Variants in CACNA2D3 observed in about 807,000 individuals in gnomAD.
CACNA2D3 encodes the protein calcium voltage-gated channel auxiliary subunit alpha2delta 3, also known as voltage-dependent calcium channel subunit alpha-2/delta-3.
Under a neutral mutation model 160.6 loss-of-function variants are expected in CACNA2D3, and 60 were observed. The observed-to-expected ratio is 0.37, with a 90% confidence interval of 0.30 to 0.46. The LOEUF (loss-of-function observed/expected upper bound fraction) is 0.46. Among genes scored for constraint, CACNA2D3 ranks in the 20% least tolerant of loss-of-function variants. CACNA2D3 has a pLI of 1.00. For missense variants in CACNA2D3, 1,205 were observed against 1,365.0 expected, an observed-to-expected ratio of 0.88 and a Z score of 1.85; for synonymous variants, 558 against 492.9, an observed-to-expected ratio of 1.13 and a Z score of -1.75.
At chr3:54,255,698 C>G (rs1307489579) in intron 2 of CACNA2D3, among the ~76,000 whole-genome samples, 1 of 152,082 alleles carries the variant, frequency 6.6e-6, no homozygotes, top group Non-Finnish European at 1.5e-5. Flanking sequence ...TGTCTGCTTC[C>G]CACCCTACTT....
intron 4 of CACNA2D3, among the ~76,000 whole-genome samples, chr3:54,448,779 A>T (rs1700260655): frequency 6.6e-6 from 1 of 152,246 alleles, no homozygotes; most frequent in South Asian, 2.1e-4. Flanking sequence ...TCTTTGTGAC[A>T]GGTGCTTCAC....
chr3:54,846,318 GC>G, intron 16 of CACNA2D3, 74 bp from the exon 17 acceptor site: 1 of 881,800 alleles, frequency 1.1e-6, no homozygotes, highest in Non-Finnish European at 1.8e-6. Flanking sequence ...ATTACTAAAT[GC>G]CGGGCTGCTT....
At chr3:54,252,099 A>ATTTTTTT (rs1575345395) in intron 2 of CACNA2D3, among the ~76,000 whole-genome samples, 1 of 71,566 alleles carries the variant, frequency 1.4e-5, no homozygotes. Context: ...TTGCAGAGCT[A>ATTTTTTT]GTTTTTTTTT....
chr3:54,923,737 C>G (rs1234978385), intron 27 of CACNA2D3, among the ~76,000 whole-genome samples: 3 of 152,026 alleles, frequency 2.0e-5, no homozygotes, highest in African/African-American at 7.2e-5. Context: ...GGGTCAAGAC[C>G]CAAAAGCCAT....
intron 9 of CACNA2D3, among the ~76,000 whole-genome samples, chr3:54,586,733 A>G (rs1385312790): frequency 6.6e-6 from 1 of 152,210 alleles, no homozygotes; most frequent in African/African-American, 2.4e-5. Flanking sequence ...CGTTCTTCTC[A>G]AGCACCTATG....
intron 35 of CACNA2D3, among the ~76,000 whole-genome samples, chr3:55,036,419 C>A (rs557081228): frequency 6.6e-6 from 1 of 152,214 alleles, no homozygotes; most frequent in South Asian, 2.1e-4. Context: ...GCCATACACA[C>A]AAAACCCTTG....
intron 5 of CACNA2D3, among the ~76,000 whole-genome samples, chr3:54,522,697 A>G (rs1210263357): frequency 6.6e-6 from 1 of 152,086 alleles, no homozygotes. Context: ...AGAGGGTGAA[A>G]GTGAGAAAGG....
chr3:54,678,997 G>C (rs994961180), intron 11 of CACNA2D3, among the ~76,000 whole-genome samples: 1 of 152,118 alleles, frequency 6.6e-6, no homozygotes, highest in Non-Finnish European at 1.5e-5. Flanking sequence ...CAGAAGGAAG[G>C]ATTAAAGACC....
At chr3:54,252,361 A>T (rs577174950) in intron 2 of CACNA2D3, among the ~76,000 whole-genome samples, 1 of 152,318 alleles carries the variant, frequency 6.6e-6, no homozygotes, top group Non-Finnish European at 1.5e-5. Context: ...TTACAGAAAT[A>T]TGATAGGAGC....
At chr3:54,278,444 T>G (rs557565411) in intron 2 of CACNA2D3, among the ~76,000 whole-genome samples, 1 of 152,314 alleles carries the variant, frequency 6.6e-6, no homozygotes, top group South Asian at 2.1e-4. Flanking sequence ...CTCAAGGATC[T>G]AGAACCAGAA....
At chr3:54,356,703 A>G (rs1423426460) in intron 3 of CACNA2D3, among the ~76,000 whole-genome samples, 1 of 152,172 alleles carries the variant, frequency 6.6e-6, no homozygotes, top group Non-Finnish European at 1.5e-5. Context: ...AAAATACTGA[A>G]CAATTTTTGT....
In CACNA2D3 at chr3:54,927,777, T is replaced by G. The variant is rs1701066538; in HGVS notation, c.2449+27909T>G. 3.9e-6 allele frequency: 4 copies of G among 1,016,038 alleles called. No homozygotes were observed. The Admixed American group carries it at 7.1e-5, about 18-fold the overall frequency. The allele number at this position is 1,016,038 out of a possible 1,614,324, so 62.9% of individuals were successfully genotyped here. A position where few individuals can be genotyped will look rare whatever the true frequency, so the allele number is the denominator to read the frequency against. ...ACATAAATCATTCCATGCAGAGACATTTTTCATATCTGTCCAGTCTTTTAA... is the reference window on the plus strand; with the variant it reads ...ACATAAATCATTCCATGCAGAGACAGTTTTCATATCTGTCCAGTCTTTTAA... On this transcript the variant is annotated intron_variant, in intron 27 of 37. Transcript: ENST00000474759.
chr3:54,370,273 C>T (rs924099792), intron 3 of CACNA2D3, among the ~76,000 whole-genome samples: 2 of 152,098 alleles, frequency 1.3e-5, no homozygotes, highest in Non-Finnish European at 2.9e-5. Context: ...TCTTAGATGC[C>T]AGTAGTTGAA....
At chr3:54,374,180 A>G (rs556351525) in intron 3 of CACNA2D3, among the ~76,000 whole-genome samples, 1 of 152,196 alleles carries the variant, frequency 6.6e-6, no homozygotes, top group African/African-American at 2.4e-5. Flanking sequence ...TGAGTTGACA[A>G]ATCTAGGAAG....
At chr3:54,323,657 G>A (rs1575395114) in intron 3 of CACNA2D3, among the ~76,000 whole-genome samples, 2 of 152,098 alleles carry the variant, frequency 1.3e-5, no homozygotes, top group South Asian at 2.1e-4. Flanking sequence ...TAGTAGAGAC[G>A]GGGTTTCACT....
chr3:54,301,546 A>G (rs147981373), intron 2 of CACNA2D3, among the ~76,000 whole-genome samples: 18 of 152,338 alleles, frequency 1.2e-4, no homozygotes, highest in Non-Finnish European at 8.8e-5. Flanking sequence ...ATACACACCT[A>G]TATAATAATT....
chr3:54,564,034 C>G (rs1702369208), intron 6 of CACNA2D3, among the ~76,000 whole-genome samples: 1 of 152,210 alleles, frequency 6.6e-6, no homozygotes, highest in African/African-American at 2.4e-5. Context: ...GATTAAAGTT[C>G]CAGTGCCACC....
intron 11 of CACNA2D3, among the ~76,000 whole-genome samples, chr3:54,643,539 C>A (rs1233784424): frequency 6.6e-6 from 1 of 152,144 alleles, no homozygotes; most frequent in Non-Finnish European, 1.5e-5. Flanking sequence ...CAGAGGATAT[C>A]CAGGAATAAA....
At chr3:54,135,095 G>A (rs1338612627) in intron 2 of CACNA2D3, among the ~76,000 whole-genome samples, 8 of 152,158 alleles carry the variant, frequency 5.3e-5, no homozygotes, top group South Asian at 2.1e-4. Flanking sequence ...TGTTCCCTTC[G>A]CCTTCACATG....
Sources: gnomAD v4.1 joint callset for allele counts (sites outside exome capture counted in the v4.1 genomes callset) on GRCh38, gnomAD v4.1.1 for gene constraint, MANE v1.5 for transcripts, NCBI Gene and HGNC (gene_info 2026-07-23, HGNC 2026-07-21) for gene names.